Variants in CNTN5 observed in about 807,000 individuals in gnomAD.
CNTN5 encodes the protein contactin 5, also known as contactin-5.
CNTN5 carries 77 observed loss-of-function variants against 129.1 expected under a neutral mutation model. That is an observed-to-expected ratio of 0.60 (90% confidence interval 0.50 to 0.72). CNTN5 has a LOEUF of 0.72. CNTN5 is among the 30% of genes least tolerant of loss of function. CNTN5 has a pLI of 0.00. For synonymous variants in CNTN5, 509 were observed against 465.6 expected (o/e 1.09, Z -1.20); for missense variants, 1,478 against 1,328.8 (o/e 1.11, Z -1.75).
At chr11:99,440,559 T>G (rs1465433515) in intron 2 of CNTN5, among the ~76,000 whole-genome samples, 1 of 152,200 alleles carries the variant, frequency 6.6e-6, no homozygotes, top group Admixed American at 6.5e-5. Context: ...AGATAATCAC[T>G]AGTTGGGCAA....
chr11:99,282,070 A>C (rs17577073), intron 1 of CNTN5, among the ~76,000 whole-genome samples: 53,227 of 151,786 alleles, frequency 0.35, 10,030 homozygotes, highest in Middle Eastern at 0.44. Context: ...TTCTGAGAAA[A>C]ACAGGTCCCC....
At position 99,458,982 on chromosome 11, in the gene CNTN5, C is replaced by T. The variant is rs78192310; in HGVS notation, c.-70-97163C>T. ...ACCTAGAGAGCTGTTTGGAAACAAA[C>T]GAAGTCAGCTTTGTAAGTTAGGCCA... On this transcript the variant is annotated intron_variant, in intron 2 of 24. Transcript: ENST00000524871. Among the ~76,000 whole-genome samples the T allele has an allele frequency of 7.8e-3, 1,192 of 152,088 alleles. 16 individuals are homozygous for T. The highest frequency in any genetic ancestry group is 0.027 in the African/African-American group (1,118 of 41,538).
At chr11:99,093,564 A>C (rs1011258850) in intron 1 of CNTN5, among the ~76,000 whole-genome samples, 3 of 152,004 alleles carry the variant, frequency 2.0e-5, no homozygotes, top group African/African-American at 7.2e-5. Context: ...GAAGGCTAAA[A>C]ACCAGCTAAA....
chr11:99,506,621 T>C (rs1238520855), intron 2 of CNTN5, among the ~76,000 whole-genome samples: 2 of 152,190 alleles, frequency 1.3e-5, no homozygotes, highest in Non-Finnish European at 2.9e-5. Flanking sequence ...TTTTCTCTTC[T>C]AAATTTACTG....
At chr11:99,582,313 C>A (rs1949633230) in intron 3 of CNTN5, among the ~76,000 whole-genome samples, 4 of 152,152 alleles carry the variant, frequency 2.6e-5, no homozygotes, top group Admixed American at 2.6e-4. Flanking sequence ...CTTGGAGTTG[C>A]TCTTCTCGAG....
intron 1 of CNTN5, among the ~76,000 whole-genome samples, chr11:99,057,653 G>GGGCTGTGCTA (rs1302695591): frequency 6.6e-6 from 1 of 151,870 alleles, no homozygotes; most frequent in Non-Finnish European, 1.5e-5. Flanking sequence ...CTTTGTGCTA[G>GGGCTGTGCTA]GCACTGTTCT....
chr11:99,565,643 C>A (rs1231754329), intron 3 of CNTN5, among the ~76,000 whole-genome samples: 3 of 152,138 alleles, frequency 2.0e-5, no homozygotes, highest in Non-Finnish European at 4.4e-5. Context: ...ATTCAGTTCT[C>A]CTGAAAAATG....
chr11:99,155,039 G>A (rs922874195), intron 1 of CNTN5, among the ~76,000 whole-genome samples: 4 of 152,112 alleles, frequency 2.6e-5, no homozygotes, highest in African/African-American at 9.7e-5. Context: ...CCAAGTGTCT[G>A]TAGGGGTTGT....
At chr11:100,339,389 G>T (rs549945238) in intron 21 of CNTN5, among the ~76,000 whole-genome samples, 3 of 152,168 alleles carry the variant, frequency 2.0e-5, no homozygotes, top group Admixed American at 6.5e-5. Context: ...GGAAGGGCAG[G>T]TTGCCTTCCC....
chr11:99,221,561 A>T lies in CNTN5; in HGVS notation c.-209-103785A>T, dbSNP rs954646112. Among the ~76,000 whole-genome samples the T allele has an allele frequency of 3.3e-5, 5 of 151,958 alleles. No individual in the cohort carries two copies. The East Asian group carries it at 9.6e-4, about 29-fold the overall frequency. On this transcript the variant is annotated intron_variant, in intron 1 of 24. Coordinates refer to ENST00000524871, the MANE Select transcript of CNTN5 (RefSeq NM_014361.4). ...TTCAGTTTATTCCCCTGATGGAAAA[A>T]AATGTTAATAGATATGCCACTTTTT...
At chr11:99,630,582 T>A (rs1160690419) in intron 3 of CNTN5, among the ~76,000 whole-genome samples, 1 of 96,990 alleles carries the variant, frequency 1.0e-5, no homozygotes, top group Non-Finnish European at 2.5e-5. Flanking sequence ...GAACACAAAT[T>A]TCTCAAGACA....
rs551017605 is a variant in CNTN5, at chr11:99,217,323, G to GT, written c.-209-108022dup. 4.1e-4 allele frequency among the ~76,000 whole-genome samples: 63 copies of GT among 152,264 alleles called. 2 individuals are homozygous for GT. The South Asian group carries it at 0.012, about 29-fold the overall frequency. ...ACACACAGATGGCCAACAGTTATAT[G>GT]TAAAAACTGTCAACATTACTAATTA... On this transcript the variant is annotated intron_variant, in intron 1 of 24. Coordinates refer to ENST00000524871, the MANE Select transcript of CNTN5 (RefSeq NM_014361.4).
chr11:99,563,884 G>A (rs1196578093), intron 3 of CNTN5, among the ~76,000 whole-genome samples: 1 of 152,104 alleles, frequency 6.6e-6, no homozygotes, highest in Non-Finnish European at 1.5e-5. Context: ...ATTGGACAAA[G>A]CAAATCCCAT....
At chr11:99,985,184 T>G (rs2137381199) in intron 8 of CNTN5, among the ~76,000 whole-genome samples, 1 of 152,240 alleles carries the variant, frequency 6.6e-6, no homozygotes, top group Non-Finnish European at 1.5e-5. Context: ...TGGCCATTTT[T>G]GGGTCCCTGT....
intron 1 of CNTN5, among the ~76,000 whole-genome samples, chr11:99,152,657 T>G (rs1860121941): frequency 6.6e-6 from 1 of 152,220 alleles, no homozygotes; most frequent in Non-Finnish European, 1.5e-5. Flanking sequence ...AGGTCAATAG[T>G]GATATGTGCA....
chr11:99,876,610 C>T (rs548937244), intron 6 of CNTN5, among the ~76,000 whole-genome samples: 1 of 152,204 alleles, frequency 6.6e-6, no homozygotes, highest in South Asian at 2.1e-4. Context: ...GTCGAGTTAT[C>T]AAATGAATAA....
chr11:99,248,318 T>A (rs968825263), intron 1 of CNTN5, among the ~76,000 whole-genome samples: 2 of 152,214 alleles, frequency 1.3e-5, no homozygotes, highest in Non-Finnish European at 2.9e-5. Context: ...TGTTTGTTTT[T>A]TTCTTGTAAA....
intron 1 of CNTN5, among the ~76,000 whole-genome samples, chr11:99,184,687 A>G (rs61893060): frequency 0.1 from 15,157 of 152,154 alleles, 1,313 homozygotes; most frequent in East Asian, 0.4. Flanking sequence ...AAAATGGCAC[A>G]CTGCCATACA....
intron 6 of CNTN5, among the ~76,000 whole-genome samples, chr11:99,910,857 G>A (rs1224440757): frequency 6.6e-6 from 1 of 152,022 alleles, no homozygotes; most frequent in African/African-American, 2.4e-5. Flanking sequence ...TGCATGGAAT[G>A]CAAAAAAATT....
Sources: gnomAD v4.1 joint callset for allele counts (sites outside exome capture counted in the v4.1 genomes callset) on GRCh38, gnomAD v4.1.1 for gene constraint, MANE v1.5 for transcripts, NCBI Gene and HGNC (gene_info 2026-07-23, HGNC 2026-07-21) for gene names.